PKD2L1: variants seen among roughly 807,000 people sequenced by gnomAD.
PKD2L1 encodes polycystin 2 like 1, transient receptor potential cation channel.
A neutral mutation model predicts 93.0 loss-of-function variants in PKD2L1; 77 were observed. That is an observed-to-expected ratio of 0.83 (90% CI 0.69 to 1.00). The LOEUF (loss-of-function observed/expected upper bound fraction) is 1.00, where lower values mean the gene tolerates loss of function less well. PKD2L1 is among the 50% of genes least tolerant of loss of function. PKD2L1 has a pLI of 0.00. For synonymous variants in PKD2L1, 390 were observed against 388.0 expected (o/e 1.01, Z -0.06); for missense variants, 977 against 990.9 (o/e 0.99, Z 0.19).
chr10:100,294,699 C>T (rs1391897338), intron 8 of PKD2L1, 44 bp from the exon 9 acceptor site: 2 of 1,611,850 alleles, frequency 1.2e-6, no homozygotes, highest in East Asian at 2.2e-5. Flanking sequence ...TAACAAACAC[C>T]CCCCATCCCA....
At chr10:100,319,026 A>C (rs142598899) in intron 2 of PKD2L1, among the ~76,000 whole-genome samples, 1 of 151,806 alleles carries the variant, frequency 6.6e-6, no homozygotes, top group Non-Finnish European at 1.5e-5. Context: ...TTGTATTTTT[A>C]GTAGAGATGG....
chr10:100,297,461 A>G lies in PKD2L1; in HGVS notation c.877T>C (p.Trp293Arg). ...ACCACTCGAGTGCCCCTGTCCAGCC[A>G]CAGCCCCTCCTGAAGGGCCCGGAGA... The part of the protein sequence containing the change: ...EALRALQEGL[W>R]LDRGTRVVFI... Residue 293 changes from tryptophan to arginine, a missense_variant, in exon 5 of 16, where the codon TGG becomes CGG. Coordinates refer to ENST00000318222, the MANE Select transcript of PKD2L1 (RefSeq NM_016112.3). 6.2e-7 allele frequency: 1 copy of G among 1,614,164 alleles called. No individual in the cohort carries two copies.
chr10:100,293,406 C>T, intron 9 of PKD2L1, 27 bp from the exon 10 acceptor site: 1 of 1,432,400 alleles, frequency 7.0e-7, no homozygotes, highest in South Asian at 1.1e-5. Context: ...GGACCTGGGT[C>T]CTCACCCCCA....
intron 2 of PKD2L1, among the ~76,000 whole-genome samples, chr10:100,302,514 T>C (rs969886897): frequency 2.0e-5 from 3 of 151,238 alleles, no homozygotes; most frequent in African/African-American, 7.3e-5. Context: ...CTGGGCAATA[T>C]AGCCAAACCT....
intron 2 of PKD2L1, among the ~76,000 whole-genome samples, chr10:100,322,355 C>T (rs1849279901): frequency 6.6e-6 from 1 of 152,060 alleles, no homozygotes. Flanking sequence ...GGTGAAACCC[C>T]GTCTCTACTA....
chr10:100,297,579 C>G lies in PKD2L1; in HGVS notation c.759G>C (p.Leu253Phe). Reference sequence around the variant, plus strand: ...GCCTGCCCCAGTGGGAGAAGCCCCCCAACTCATCCTGCGAGTGGTATGTCC... The same window carrying G: ...GCCTGCCCCAGTGGGAGAAGCCCCCGAACTCATCCTGCGAGTGGTATGTCC... ...TAWTYHSQDE[L>F]GGFSHWGRLT... The change falls in exon 5 of 16, where the codon TTG becomes TTC. Residue 253 changes from leucine (L) to phenylalanine (F), a missense_variant. By Grantham distance (22) the Leu-to-Phe change is conservative (BLOSUM62 0). Transcript: ENST00000318222. 6.2e-7 allele frequency: 1 copy of G among 1,613,888 alleles called. No individual in the cohort carries two copies. The highest frequency in any genetic ancestry group is 1.7e-4 in the Middle Eastern group (1 of 5,986).
chr10:100,302,494 C>T lies in PKD2L1; in HGVS notation c.350-2776G>A, dbSNP rs192007827. The stretch of plus-strand genomic sequence containing the variant: ...GGCGGATCACTTGAGCTCAGGAGTT[C>T]GAGACTAGCCTGGGCAATATAGCCA... On this transcript the variant is annotated intron_variant, in intron 2 of 15. Transcript: ENST00000318222. Among the ~76,000 whole-genome samples the T allele has an allele frequency of 3.6e-3, 547 of 150,822 alleles. 2 individuals carry two copies. Among genetic ancestry groups the T allele is most frequent in the African/African-American group, 9.5e-3 (389 of 41,018 alleles).
At chr10:100,301,807 A>G (rs1433754757) in intron 2 of PKD2L1, among the ~76,000 whole-genome samples, 1 of 152,188 alleles carries the variant, frequency 6.6e-6, no homozygotes, top group African/African-American at 2.4e-5. Context: ...AGGAAATTAT[A>G]AGGGTATTGA....
intron 2 of PKD2L1, among the ~76,000 whole-genome samples, chr10:100,304,373 TATC>T (rs1244510909): frequency 1.2e-4 from 18 of 152,238 alleles, no homozygotes; most frequent in African/African-American, 4.3e-4. Context: ...TAGCCCATAT[TATC>T]AGCCTATCAA....
chr10:100,293,502 G>A lies in PKD2L1; in HGVS notation c.1660-123C>T, dbSNP rs975496622. 5 of 665,274 alleles carry A rather than the reference G, an allele frequency of 7.5e-6. No homozygotes were observed. In the East Asian group the frequency reaches 8.1e-5, roughly 11 times the overall value. The allele number at this position is 665,274 out of a possible 1,614,324, so 41.2% of individuals were successfully genotyped here. A position where few individuals can be genotyped will look rare whatever the true frequency, so the allele number is the denominator to read the frequency against. On this transcript the variant is annotated intron_variant, in intron 9 of 15. Coordinates refer to ENST00000318222, the MANE Select transcript of PKD2L1 (RefSeq NM_016112.3). Reference sequence around the variant, plus strand: ...GGGTCAGTGCTCTCAACCCCAGTTCGGCAGCCCATCAATCCCTGCCTCTCA... The same window carrying A: ...GGGTCAGTGCTCTCAACCCCAGTTCAGCAGCCCATCAATCCCTGCCTCTCA...
intron 2 of PKD2L1, among the ~76,000 whole-genome samples, chr10:100,322,705 C>T (rs1395981690): frequency 6.6e-6 from 1 of 152,166 alleles, no homozygotes; most frequent in Non-Finnish European, 1.5e-5. Flanking sequence ...AGTAGAATTT[C>T]TCAATACTCT....
At chr10:100,315,928 A>C (rs1849091968) in intron 2 of PKD2L1, among the ~76,000 whole-genome samples, 1 of 151,934 alleles carries the variant, frequency 6.6e-6, no homozygotes, top group Non-Finnish European at 1.5e-5. Flanking sequence ...ACAGTTAAAA[A>C]CAGTTTTAAC....
At chr10:100,314,633 C>T (rs74445556) in intron 2 of PKD2L1, among the ~76,000 whole-genome samples, 248 of 152,258 alleles carry the variant, frequency 1.6e-3, no homozygotes, top group African/African-American at 5.8e-3. Flanking sequence ...AATCAGCGGA[C>T]GTTCCACCTC....
chr10:100,319,884 C>A (rs1051809908), intron 2 of PKD2L1, among the ~76,000 whole-genome samples: 2 of 152,212 alleles, frequency 1.3e-5, no homozygotes, highest in African/African-American at 4.8e-5. Flanking sequence ...AAACAAACAG[C>A]CATTATTTCT....
rs544236512 is a variant in PKD2L1 at position 100,308,825 on chromosome 10, T to C, written c.350-9107A>G. Among the ~76,000 whole-genome samples the C allele has an allele frequency of 2.6e-5, 4 of 152,342 alleles. No individual in the cohort carries two copies. The South Asian group carries it at 8.3e-4, about 32-fold the overall frequency. On this transcript the variant is annotated intron_variant, in intron 2 of 15. Coordinates refer to ENST00000318222, the MANE Select transcript of PKD2L1 (RefSeq NM_016112.3). Reference sequence around the variant, plus strand: ...AAGGATTCTGACTCTCCTTTCAAAATTCCTTCCAAATAGTTAGGATTGTGC... The same window carrying C: ...AAGGATTCTGACTCTCCTTTCAAAACTCCTTCCAAATAGTTAGGATTGTGC...
At position 100,330,042 on chromosome 10, in the gene PKD2L1, T is replaced by C. The variant is rs374691826; in HGVS notation, c.62A>G (p.Asp21Gly). 1.4e-5 allele frequency: 23 copies of C among 1,611,092 alleles called. No homozygotes were observed. Among genetic ancestry groups the C allele is most frequent in the Non-Finnish European group, 1.8e-5 (21 of 1,178,094 alleles). ...ELQKLGSGAW[D>G]NPAYSGPPSP... ...AGGGGGACCACTGTAGGCGGGGTTG[T>C]CCCAGGCTCCACTCCCCAGCTTTTG... Residue 21 changes from aspartate (D) to glycine (G), a missense_variant, in exon 1 of 16, where the codon GAC (aspartate) becomes GGC (glycine). Transcript: ENST00000318222.
chr10:100,308,570 G>A (rs1321977435), intron 2 of PKD2L1, among the ~76,000 whole-genome samples: 1 of 152,084 alleles, frequency 6.6e-6, no homozygotes, highest in African/African-American at 2.4e-5. Flanking sequence ...CCTGACCTCA[G>A]GTGATCCACC....
chr10:100,320,127 A>G (rs2133568260), intron 2 of PKD2L1, among the ~76,000 whole-genome samples: 1 of 152,380 alleles, frequency 6.6e-6, no homozygotes, highest in African/African-American at 2.4e-5. Flanking sequence ...TAAACTATTC[A>G]TAATGACAGT....
At chr10:100,290,332 A>C (rs369740256) in intron 13 of PKD2L1, 69 bp downstream of exon 13, 1 of 1,299,396 alleles carries the variant, frequency 7.7e-7, no homozygotes. Context: ...GTTGTGGGAA[A>C]AGTACAAGAC....
Sources: allele counts gnomAD v4.1 joint callset (sites outside exome capture counted in the v4.1 genomes callset), GRCh38; gene constraint gnomAD v4.1.1; transcripts MANE v1.5; gene names NCBI Gene and HGNC (gene_info 2026-07-23, HGNC 2026-07-21).